Variants in SOX4 observed in about 807,000 individuals in gnomAD.
SOX4 encodes transcription factor SOX-4.
For missense variants in SOX4, 662 were observed against 694.9 expected (o/e 0.95, Z 0.53); for synonymous variants, 465 against 348.4 (o/e 1.33, Z -3.73).
Position 21,595,976 on chromosome 6 carries a change from G to T in SOX4, c.*17G>T. 6.7e-7 allele frequency: 1 copy of T among 1,497,594 alleles called. No homozygotes were observed. Among genetic ancestry groups the T allele is most frequent in the Non-Finnish European group, 8.9e-7 (1 of 1,118,056 alleles). The allele number at this position is 1,497,594 out of a possible 1,614,324, so 92.8% of individuals were successfully genotyped here. On this transcript the variant is annotated 3_prime_UTR_variant, in exon 1 of 1. Coordinates refer to ENST00000244745, the MANE Select transcript of SOX4 (RefSeq NM_003107.3). ...ACCTACTGAAGGGCGCGCAGGCAGG[G>T]AGAAGGGCCGGGGGGGGTAGGAGAG...
At position 21,595,365 on chromosome 6, in the gene SOX4, C is replaced by T; in HGVS notation, c.831C>T (p.Ala277=). 2.6e-6 allele frequency: 4 copies of T among 1,532,914 alleles called. No homozygotes were observed. Among genetic ancestry groups the T allele is most frequent in the Non-Finnish European group, 3.5e-6 (4 of 1,149,354 alleles). 95.0% of individuals were successfully genotyped at this position (1,532,914 alleles called of 1,614,324 possible). ...ASASASSAAS[A]SAALAAPGKH... ...CCTCCGCCTCCTCGGCAGCCTCGGC[C>T]TCCGCAGCGCTCGCGGCCCCGGGCA... Residue 277 remains alanine (A), a synonymous_variant, in exon 1 of 1, where the codon GCC becomes GCT. Transcript: ENST00000244745.
In SOX4 at chr6:21,595,175, C is replaced by A; in HGVS notation, c.641C>A (p.Pro214Gln). Residue 214 changes from proline to glutamine, a missense_variant, in exon 1 of 1, where the codon CCG (proline) becomes CAG (glutamine). By Grantham distance (76) the Pro-to-Gln change is moderately conservative. Coordinates refer to ENST00000244745, the MANE Select transcript of SOX4 (RefSeq NM_003107.3). ...GGCGCGGGCGGTGGGGTTAGCAAAC[C>A]GCACGCCAAGCTCATCCTGGCAGGC... is the stretch of plus-strand genomic sequence containing the variant. ...AGGAGGGVSK[P>Q]HAKLILAGGG... The A allele has an allele frequency of 7.8e-7, 1 of 1,285,686 alleles. No individual in the cohort carries two copies. Among genetic ancestry groups the A allele is most frequent in the Non-Finnish European group, 9.8e-7 (1 of 1,024,060 alleles). 79.6% of individuals were successfully genotyped at this position (1,285,686 alleles called of 1,614,324 possible).
Position 21,595,103 on chromosome 6 carries a change from A to G in SOX4, c.569A>G (p.Asn190Ser). The change falls in exon 1 of 1, where the codon AAC becomes AGC. Residue 190 changes from asparagine (N) to serine (S), a missense_variant. Transcript: ENST00000244745. Reference sequence around the variant, plus strand: ...GGCGGTGCGAGTGGCGGCGGCGCCAACTCCAAACCGGCGCAGAAAAAGAGC... The same window carrying G: ...GGCGGTGCGAGTGGCGGCGGCGCCAGCTCCAAACCGGCGCAGAAAAAGAGC... The part of the protein sequence containing the change: ...GGGGASGGGA[N>S]SKPAQKKSCG... The G allele has an allele frequency of 7.2e-7, 1 of 1,383,888 alleles. No individual in the cohort carries two copies. Among genetic ancestry groups the G allele is most frequent in the Non-Finnish European group, 9.3e-7 (1 of 1,077,140 alleles). The allele number at this position is 1,383,888 out of a possible 1,614,324, so 85.7% of individuals were successfully genotyped here.
chr6:21,595,512 G>A lies in SOX4; in HGVS notation c.978G>A (p.Glu326=). The stretch of plus-strand genomic sequence containing the variant: ...CCAGCGACCCCCTGGGCCTGTACGA[G>A]GAGGAGGGCGCGGGCTGCTCGCCCG... ...ADPSDPLGLY[E]EEGAGCSPDA... The change falls in exon 1 of 1, where the codon GAG becomes GAA. Residue 326 remains glutamate, a synonymous_variant. Coordinates refer to ENST00000244745, the MANE Select transcript of SOX4 (RefSeq NM_003107.3). The A allele has an allele frequency of 1.6e-5, 20 of 1,282,450 alleles. No homozygotes were observed. The highest frequency in any genetic ancestry group is 1.9e-5 in the Non-Finnish European group (19 of 1,012,992). The allele number at this position is 1,282,450 out of a possible 1,614,324, so 79.4% of individuals were successfully genotyped here. A position where few individuals can be genotyped will look rare whatever the true frequency, so the allele number is the denominator to read the frequency against.
rs1763220167 is a variant in SOX4 at position 21,598,502 on chromosome 6, G to GA, written c.*2549dup. On this transcript the variant is annotated 3_prime_UTR_variant, in exon 1 of 1. Transcript: ENST00000244745. ...AAAACAATGTTTGGGGGAAAAAAAA[G>GA]AAAAAATCATGCCAGCTAATCATGT... is the stretch of plus-strand genomic sequence containing the variant. The GA allele has an allele frequency of 1.8e-5, 3 of 166,864 alleles. No homozygotes were observed. Among genetic ancestry groups the GA allele is most frequent in the African/African-American group, 4.8e-5 (2 of 41,384 alleles). 10.3% of individuals were successfully genotyped at this position (166,864 alleles called of 1,614,324 possible).
At position 21,594,872 on chromosome 6, in the gene SOX4, A is replaced by G; in HGVS notation, c.338A>G (p.Glu113Gly). Residue 113 changes from glutamate to glycine, a missense_variant, in exon 1 of 1, where the codon GAG becomes GGG. Glu to Gly is a moderately conservative substitution (Grantham distance 98). Coordinates refer to ENST00000244745, the MANE Select transcript of SOX4 (RefSeq NM_003107.3). ...SDKIPFIREA[E>G]RLRLKHMADY... Reference sequence around the variant, plus strand: ...AAGATCCCTTTCATTCGAGAGGCGGAGCGGCTGCGCCTCAAGCACATGGCT... The same window carrying G: ...AAGATCCCTTTCATTCGAGAGGCGGGGCGGCTGCGCCTCAAGCACATGGCT... The G allele has an allele frequency of 6.2e-7, 1 of 1,612,674 alleles. No individual in the cohort carries two copies. Among genetic ancestry groups the G allele is most frequent in the Non-Finnish European group, 8.5e-7 (1 of 1,179,594 alleles).
rs1385280638 is a variant in SOX4, at chr6:21,597,481, A to AT, written c.*1525dup. ...TCTTTCCTTTCTTTTTACTTCCTTTATTTCTTTATTCCTTCCTTTTCCTTT... is the reference window on the plus strand; with the variant it reads ...TCTTTCCTTTCTTTTTACTTCCTTTATTTTCTTTATTCCTTCCTTTTCCTTT... On this transcript the variant is annotated 3_prime_UTR_variant, in exon 1 of 1. Transcript: ENST00000244745. 1 of 81,228 alleles carries AT rather than the reference A, an allele frequency of 1.2e-5. No individual in the cohort carries two copies. The highest frequency in any genetic ancestry group is 3.0e-5 in the Non-Finnish European group (1 of 33,212). The allele number at this position is 81,228 out of a possible 1,614,324, so 5.0% of individuals were successfully genotyped here. A position where few individuals can be genotyped will look rare whatever the true frequency, so the allele number is the denominator to read the frequency against.
rs1763151073 is a variant in SOX4, at chr6:21,596,174, C to T, written c.*215C>T. The T allele has an allele frequency of 4.7e-6, 3 of 632,770 alleles. No individual in the cohort carries two copies. The highest frequency in any genetic ancestry group is 7.1e-6 in the Non-Finnish European group (3 of 422,210). 39.2% of individuals were successfully genotyped at this position (632,770 alleles called of 1,614,324 possible). On this transcript the variant is annotated 3_prime_UTR_variant, in exon 1 of 1. Transcript: ENST00000244745. Reference sequence around the variant, plus strand: ...GCTCCCATCCCCCACCTTCCCGGGCCGGGGACCCACTCTGCCCAGCCGGAG... The same window carrying T: ...GCTCCCATCCCCCACCTTCCCGGGCTGGGGACCCACTCTGCCCAGCCGGAG...
chr6:21,595,420 G>T lies in SOX4; in HGVS notation c.886G>T (p.Val296Phe). The change falls in exon 1 of 1, where the codon GTC (valine) becomes TTC (phenylalanine). Residue 296 changes from valine (V) to phenylalanine (F), a missense_variant. Coordinates refer to ENST00000244745, the MANE Select transcript of SOX4 (RefSeq NM_003107.3). ...KHLAEKKVKR[V>F]YLFGGLGTSS... ...CCTGGCGGAGAAGAAGGTGAAGCGC[G>T]TCTACCTGTTCGGCGGCCTGGGCAC... 1 of 1,527,118 alleles carries T rather than the reference G, an allele frequency of 6.5e-7. No individual in the cohort carries two copies. The highest frequency in any genetic ancestry group is 8.7e-7 in the Non-Finnish European group (1 of 1,144,928). The allele number at this position is 1,527,118 out of a possible 1,614,324, so 94.6% of individuals were successfully genotyped here. A position where few individuals can be genotyped will look rare whatever the true frequency, so the allele number is the denominator to read the frequency against.
In SOX4 at chr6:21,595,252, G is replaced by GAACAGGCGGGGGCCGCCGCCC; in HGVS notation, c.719_739dup (p.Ala246_Leu247insGlnGlnAlaGlyAlaAlaAla). Reference sequence around the variant, plus strand: ...TGCCGCCGCCGCCTCCTTCGCCGCCGAACAGGCGGGGGCCGCCGCCCTGCT... The same window carrying GAACAGGCGGGGGCCGCCGCCC: ...TGCCGCCGCCGCCTCCTTCGCCGCCGAACAGGCGGGGGCCGCCGCCCAACAGGCGGGGGCCGCCGCCCTGCT... On this transcript the variant is annotated inframe_insertion, in exon 1 of 1. Transcript: ENST00000244745. 7.9e-7 allele frequency: 1 copy of GAACAGGCGGGGGCCGCCGCCC among 1,259,840 alleles called. No homozygotes were observed. Among genetic ancestry groups the GAACAGGCGGGGGCCGCCGCCC allele is most frequent in the East Asian group, 3.2e-5 (1 of 31,296 alleles). The allele number at this position is 1,259,840 out of a possible 1,614,324, so 78.0% of individuals were successfully genotyped here.
In SOX4 at chr6:21,594,509, G is replaced by C. The variant is rs767928705; in HGVS notation, c.-26G>C. On this transcript the variant is annotated 5_prime_UTR_variant, in exon 1 of 1. Transcript: ENST00000244745. Reference sequence around the variant, plus strand: ...GCGGCCGCCGCGAGGGTGTGAGCGCGCGTGGGCGCCCGCCGAGCCGAGGCC... The same window carrying C: ...GCGGCCGCCGCGAGGGTGTGAGCGCCCGTGGGCGCCCGCCGAGCCGAGGCC... 3 of 1,462,230 alleles carry C rather than the reference G, an allele frequency of 2.1e-6. No homozygotes were observed. Among genetic ancestry groups the C allele is most frequent in the South Asian group, 2.8e-5 (2 of 70,236 alleles). The allele number at this position is 1,462,230 out of a possible 1,614,324, so 90.6% of individuals were successfully genotyped here.
Position 21,594,085 on chromosome 6 carries a change from A to C in SOX4, c.-450A>C. ...ACTATGTCGCTTTCCTGAGCTACCG[A>C]GAGCGCTCGTGAACTGGAATCAACT... On this transcript the variant is annotated 5_prime_UTR_variant, in exon 1 of 1. Coordinates refer to ENST00000244745, the MANE Select transcript of SOX4 (RefSeq NM_003107.3). The C allele has an allele frequency of 6.5e-6, 1 of 153,180 alleles. No individual in the cohort carries two copies. Among genetic ancestry groups the C allele is most frequent in the Non-Finnish European group, 1.4e-5 (1 of 69,572 alleles). 9.5% of individuals were successfully genotyped at this position (153,180 alleles called of 1,614,324 possible).
chr6:21,594,610 C>G lies in SOX4; in HGVS notation c.76C>G (p.Leu26Val), dbSNP rs773678265. Reference protein sequence around the residue: ...AGESSDSGAGLELGIASSPTP... With the variant: ...AGESSDSGAGVELGIASSPTP... The stretch of plus-strand genomic sequence containing the variant: ...CGAGAGCTCGGACTCGGGCGCCGGC[C>G]TCGAGCTGGGAATCGCCTCCTCCCC... The change falls in exon 1 of 1, where the codon CTC becomes GTC. Residue 26 changes from leucine (L) to valine (V), a missense_variant. Transcript: ENST00000244745. The G allele has an allele frequency of 6.2e-7, 1 of 1,608,886 alleles. No homozygotes were observed.
In SOX4 at chr6:21,595,261, G is replaced by C; in HGVS notation, c.727G>C (p.Gly243Arg). Residue 243 changes from glycine to arginine, a missense_variant, in exon 1 of 1, where the codon GGG becomes CGG. Coordinates refer to ENST00000244745, the MANE Select transcript of SOX4 (RefSeq NM_003107.3). ...AAASFAAEQA[G>R]AAALLPLGAA... ...CGCCTCCTTCGCCGCCGAACAGGCGGGGGCCGCCGCCCTGCTGCCCCTGGG... is the reference window on the plus strand; with the variant it reads ...CGCCTCCTTCGCCGCCGAACAGGCGCGGGCCGCCGCCCTGCTGCCCCTGGG... 5 of 1,316,628 alleles carry C rather than the reference G, an allele frequency of 3.8e-6. No homozygotes were observed. Among genetic ancestry groups the C allele is most frequent in the Non-Finnish European group, 4.8e-6 (5 of 1,037,226 alleles). 81.6% of individuals were successfully genotyped at this position (1,316,628 alleles called of 1,614,324 possible). A position where few individuals can be genotyped will look rare whatever the true frequency, so the allele number is the denominator to read the frequency against.
chr6:21,595,128 C>G lies in SOX4; in HGVS notation c.594C>G (p.Ser198Arg), dbSNP rs1227676713. Residue 198 changes from serine to arginine, a missense_variant, in exon 1 of 1, where the codon AGC becomes AGG. Transcript: ENST00000244745. ...ACTCCAAACCGGCGCAGAAAAAGAGCTGCGGCTCCAAAGTGGCGGGCGGCG... is the reference window on the plus strand; with the variant it reads ...ACTCCAAACCGGCGCAGAAAAAGAGGTGCGGCTCCAAAGTGGCGGGCGGCG... ...GANSKPAQKK[S>R]CGSKVAGGAG... The G allele has an allele frequency of 1.5e-6, 2 of 1,365,902 alleles. No homozygotes were observed. Among genetic ancestry groups the G allele is most frequent in the Non-Finnish European group, 1.9e-6 (2 of 1,067,404 alleles). The allele number at this position is 1,365,902 out of a possible 1,614,324, so 84.6% of individuals were successfully genotyped here. A position where few individuals can be genotyped will look rare whatever the true frequency, so the allele number is the denominator to read the frequency against.
Position 21,595,163 on chromosome 6 carries a change from G to T in SOX4, c.629G>T (p.Gly210Val). The change falls in exon 1 of 1, where the codon GGG (glycine) becomes GTG (valine). Residue 210 changes from glycine (G) to valine (V), a missense_variant. By Grantham distance (109) the Gly-to-Val change is moderately radical. Coordinates refer to ENST00000244745, the MANE Select transcript of SOX4 (RefSeq NM_003107.3). ...AAAGTGGCGGGCGGCGCGGGCGGTG[G>T]GGTTAGCAAACCGCACGCCAAGCTC... ...GSKVAGGAGG[G>V]VSKPHAKLIL... The T allele has an allele frequency of 1.5e-6, 2 of 1,315,948 alleles. No homozygotes were observed. Among genetic ancestry groups the T allele is most frequent in the Non-Finnish European group, 9.6e-7 (1 of 1,041,192 alleles). 81.5% of individuals were successfully genotyped at this position (1,315,948 alleles called of 1,614,324 possible). A position where few individuals can be genotyped will look rare whatever the true frequency, so the allele number is the denominator to read the frequency against.
chr6:21,595,742 ACGACCTGCT>A lies in SOX4; in HGVS notation c.1216_1224del (p.Leu406_Leu408del). The A allele has an allele frequency of 6.2e-7, 1 of 1,612,830 alleles. No individual in the cohort carries two copies. The highest frequency in any genetic ancestry group is 8.5e-7 in the Non-Finnish European group (1 of 1,179,786). On this transcript the variant is annotated inframe_deletion, in exon 1 of 1. Coordinates refer to ENST00000244745, the MANE Select transcript of SOX4 (RefSeq NM_003107.3). ...TCGTCCTCCGACGACGAGTTCGAAG[ACGACCTGCT>A]CGACCTGAACCCCAGCTCAAACTTT...
chr6:21,594,733 A>T lies in SOX4; in HGVS notation c.199A>T (p.Met67Leu), dbSNP rs1339024322. 1 of 1,596,144 alleles carries T rather than the reference A, an allele frequency of 6.3e-7. No homozygotes were observed. The change falls in exon 1 of 1, where the codon ATG (methionine) becomes TTG (leucine). Residue 67 changes from methionine (M) to leucine (L), a missense_variant. Physicochemically the swap from Met to Leu is conservative, Grantham distance 15. Transcript: ENST00000244745. ...GHIKRPMNAF[M>L]VWSQIERRKI... is the part of the protein sequence containing the mutation. The stretch of plus-strand genomic sequence containing the variant: ...CATCAAGCGACCCATGAACGCCTTC[A>T]TGGTGTGGTCGCAGATCGAGCGGCG...
At position 21,595,698 on chromosome 6, in the gene SOX4, TTCCTCC is replaced by T. The variant is rs770169155; in HGVS notation, c.1170_1175del (p.Ser391_Ser392del). 1.3e-6 allele frequency: 2 copies of T among 1,596,124 alleles called. No homozygotes were observed. The highest frequency in any genetic ancestry group is 2.7e-5 in the African/African-American group (2 of 74,440). On this transcript the variant is annotated inframe_deletion, in exon 1 of 1. Transcript: ENST00000244745. Reference sequence around the variant, plus strand: ...CCTCGGCCTCGTCCCACTCCTCCTCTTCCTCCTCCTCGGGCTCCTCGTCCTCCGACG... The same window carrying T: ...CCTCGGCCTCGTCCCACTCCTCCTCTTCCTCGGGCTCCTCGTCCTCCGACG...
Sources: allele counts gnomAD v4.1 joint callset, GRCh38; gene constraint gnomAD v4.1.1; transcripts MANE v1.5; gene names NCBI Gene and HGNC (gene_info 2026-07-23, HGNC 2026-07-21).